Variants in VPS39 observed in about 807,000 individuals in gnomAD.
The protein encoded by VPS39 is vam6/Vps39-like protein.
In VPS39, 70 loss-of-function variants were observed where a neutral mutation model predicts 121.0. That is an observed-to-expected ratio of 0.58 (90% CI 0.48 to 0.71). The LOEUF (loss-of-function observed/expected upper bound fraction) is 0.71, where lower values mean the gene tolerates loss of function less well. Among genes scored for constraint, VPS39 ranks in the 30% least tolerant of loss-of-function variants. The probability of loss-of-function intolerance (pLI) is 0.00; values close to 1 mark genes in which losing one functional copy is unlikely to be tolerated. For missense variants in VPS39, 818 were observed against 1,051.5 expected, an observed-to-expected ratio of 0.78 and a Z score of 3.07; for synonymous variants, 378 against 398.1, an observed-to-expected ratio of 0.95 and a Z score of 0.60.
chr15:42,187,290 CTCTT>C lies in VPS39; in HGVS notation c.511_514del (p.Lys171GlufsTer5). On this transcript the variant is annotated frameshift_variant, in exon 7 of 25. Coordinates refer to ENST00000318006, the MANE Select transcript of VPS39 (RefSeq NM_015289.5). LOFTEE classifies it high-confidence loss of function. ...TTTTACCCTTATTAGGTAGTAGTCT[CTCTT>C]GAAACCCACACAGATAGAATTTTCA... is the stretch of plus-strand genomic sequence containing the variant. 1 of 1,612,458 alleles carries C rather than the reference CTCTT, an allele frequency of 6.2e-7. No individual in the cohort carries two copies. The highest frequency in any genetic ancestry group is 8.5e-7 in the Non-Finnish European group (1 of 1,179,608).
Position 42,199,987 on chromosome 15 carries a change from C to CAA in VPS39, c.74-28_74-27dup, listed in dbSNP as rs762376784. The stretch of plus-strand genomic sequence containing the variant: ...CTGGAAAAACAAAACAAAACAAAAA[C>CAA]AAAAACAAAAAAAAACCAGCTTTGA... On this transcript the variant is annotated intron_variant, in intron 1 of 24. Transcript: ENST00000318006. 2.1e-3 allele frequency: 3,182 copies of CAA among 1,531,066 alleles called. 73 individuals carry two copies. In the African/African-American group the frequency reaches 0.041, roughly 20 times the overall value. The allele number at this position is 1,531,066 out of a possible 1,614,324, so 94.8% of individuals were successfully genotyped here.
rs557790359 is a variant in VPS39, at chr15:42,162,649, T to C, written c.2176-168A>G. 7.1e-6 allele frequency: 5 copies of C among 706,500 alleles called. No homozygotes were observed. The South Asian group carries it at 1.7e-4, about 24-fold the overall frequency. 43.8% of individuals were successfully genotyped at this position (706,500 alleles called of 1,614,324 possible). ...AAATTGGTAAGGTCAAACAGGCAAC[T>C]GAAGATGTTAATTAAGGATTGCTTT... On this transcript the variant is annotated intron_variant, in intron 21 of 24. Transcript: ENST00000318006.
chr15:42,203,291 G>T (rs114123034), intron 1 of VPS39, among the ~76,000 whole-genome samples: 1,636 of 151,992 alleles, frequency 0.011, 30 homozygotes, highest in African/African-American at 0.038. Flanking sequence ...CAACACAGTG[G>T]AAACCCATCT....
At chr15:42,189,958 C>A (rs1393744530) in intron 4 of VPS39, among the ~76,000 whole-genome samples, 1 of 151,834 alleles carries the variant, frequency 6.6e-6, no homozygotes. Context: ...GGACTACAGG[C>A]ATGCACCACC....
Position 42,184,531 on chromosome 15 carries a change from A to G in VPS39, c.704T>C (p.Ile235Thr). 1 of 1,608,292 alleles carries G rather than the reference A, an allele frequency of 6.2e-7. No individual in the cohort carries two copies. Among genetic ancestry groups the G allele is most frequent in the Non-Finnish European group, 8.5e-7 (1 of 1,178,132 alleles). Residue 235 changes from isoleucine (I) to threonine (T), a missense_variant, in exon 8 of 25, where the codon ATA becomes ACA. Coordinates refer to ENST00000318006, the MANE Select transcript of VPS39 (RefSeq NM_015289.5). ...GTTGGTCTCACCCATGGCCACTGGT[A>G]TGTCCGTCCAGTTCAGGGCACATTT... is the stretch of plus-strand genomic sequence containing the variant. ...TQKCALNWTD[I>T]PVAMEHQPPY...
At position 42,187,973 on chromosome 15, in the gene VPS39, C is replaced by G. The variant is rs753400699; in HGVS notation, c.343-117G>C. The G allele has an allele frequency of 1.1e-5, 10 of 917,372 alleles. No individual in the cohort carries two copies. In the East Asian group the frequency reaches 2.5e-4, roughly 23 times the overall value. The allele number at this position is 917,372 out of a possible 1,614,324, so 56.8% of individuals were successfully genotyped here. A position where few individuals can be genotyped will look rare whatever the true frequency, so the allele number is the denominator to read the frequency against. ...ACTACTCTGAAAATTCCCTGTAACA[C>G]AGTCATCCTGCCAGGAAAGCTGAGC... On this transcript the variant is annotated intron_variant, in intron 5 of 24. Transcript: ENST00000318006.
intron 12 of VPS39, among the ~76,000 whole-genome samples, chr15:42,168,351 C>A (rs536564042): frequency 1.6e-3 from 246 of 152,170 alleles, no homozygotes; most frequent in African/African-American, 5.8e-3. Flanking sequence ...TTACTTAGCA[C>A]AGTGTGTGCA....
intron 2 of VPS39, among the ~76,000 whole-genome samples, chr15:42,197,247 G>A (rs1405341551): frequency 3.3e-5 from 5 of 150,212 alleles, no homozygotes; most frequent in Non-Finnish European, 4.4e-5. Flanking sequence ...AATGGGTGCA[G>A]CACACCAACA....
chr15:42,162,630 G>A, intron 21 of VPS39, 149 bp from the exon 22 acceptor site: 1 of 947,980 alleles, frequency 1.1e-6, no homozygotes, highest in East Asian at 2.9e-5. Context: ...TTGTAAATTG[G>A]TAAGGTCAAA....
chr15:42,173,881 T>C (rs754124007), intron 10 of VPS39, 29 bp from the exon 11 acceptor site: 14 of 1,612,326 alleles, frequency 8.7e-6, no homozygotes, highest in Non-Finnish European at 1.0e-5. Flanking sequence ...ATGTAAGAGT[T>C]CACTCACTCA....
chr15:42,173,877 G>T, intron 10 of VPS39, 25 bp from the exon 11 acceptor site: 1 of 1,613,100 alleles, frequency 6.2e-7, no homozygotes, highest in South Asian at 1.1e-5. Flanking sequence ...GAATATGTAA[G>T]AGTTCACTCA....
chr15:42,165,051 T>C lies in VPS39; in HGVS notation c.1842A>G (p.Leu614=), dbSNP rs1301852694. Residue 614 remains leucine (L), a synonymous_variant, in exon 18 of 25, where the codon CTA becomes CTG. Coordinates refer to ENST00000318006, the MANE Select transcript of VPS39 (RefSeq NM_015289.5). ...TCAGACCTTGCACCTTCTCACAGTA[T>C]AGCTGGATCAGGCAGTTGTGGAACC... ...GSRFHNCLIQ[L]YCEKVQGLMK... is the part of the protein sequence containing the mutation. 6.8e-6 allele frequency: 11 copies of C among 1,614,210 alleles called. No homozygotes were observed. Among genetic ancestry groups the C allele is most frequent in the South Asian group, 3.3e-5 (3 of 91,084 alleles).
intron 5 of VPS39, 109 bp downstream of exon 5, chr15:42,189,005 G>A (rs1210366774): frequency 2.5e-6 from 2 of 794,566 alleles, no homozygotes; most frequent in African/African-American, 1.7e-5. Flanking sequence ...TGGAGTCTCT[G>A]TTGGGTATGG....
intron 8 of VPS39, among the ~76,000 whole-genome samples, chr15:42,179,439 T>C (rs1265090898): frequency 6.7e-6 from 1 of 148,680 alleles, no homozygotes; most frequent in East Asian, 2.0e-4. Context: ...TAGCCGGGCG[T>C]GGTGGCAGGC....
At chr15:42,203,311 A>C (rs1244640319) in intron 1 of VPS39, among the ~76,000 whole-genome samples, 2 of 152,126 alleles carry the variant, frequency 1.3e-5, no homozygotes, top group African/African-American at 4.8e-5. Flanking sequence ...TCTACTAAAA[A>C]TACAAAAAAA....
chr15:42,165,118 G>A lies in VPS39; in HGVS notation c.1780-5C>T. 2 of 1,613,916 alleles carry A rather than the reference G, an allele frequency of 1.2e-6. No homozygotes were observed. Among genetic ancestry groups the A allele is most frequent in the Non-Finnish European group, 1.7e-6 (2 of 1,179,800 alleles). ...CCAAACATGGATGATGTGTTCCTGA[G>A]GCAAGATGTAGGTCTTTGTCACTGG... On this transcript the variant is annotated splice_region_variant and splice_polypyrimidine_tract_variant and intron_variant, in intron 17 of 24. Coordinates refer to ENST00000318006, the MANE Select transcript of VPS39 (RefSeq NM_015289.5).
At chr15:42,204,688 T>A (rs582629) in intron 1 of VPS39, among the ~76,000 whole-genome samples, 12,239 of 151,796 alleles carry the variant, frequency 0.081, 955 homozygotes, top group Admixed American at 0.17. Flanking sequence ...AAAATAAAAT[T>A]AAATTAAATT....
At chr15:42,208,014 GGCCTCAGAAAA>G in intron 1 of VPS39, 56 bp downstream of exon 1, 1 of 1,520,646 alleles carries the variant, frequency 6.6e-7, no homozygotes, top group South Asian at 1.2e-5. Context: ...CCACTTCCCC[GGCCTCAGAAAA>G]GATCCGGACC....
Position 42,204,425 on chromosome 15 carries a change from G to A in VPS39, c.73+3656C>T, listed in dbSNP as rs140534995. 4.6e-5 allele frequency among the ~76,000 whole-genome samples: 7 copies of A among 152,264 alleles called. No homozygotes were observed. The East Asian group carries it at 1.2e-3, about 25-fold the overall frequency. ...AGCACTTTGGGAGGCCGAGGTGGGC[G>A]GATCACCTCAGGTCAGGCGTTTGAG... On this transcript the variant is annotated intron_variant, in intron 1 of 24. Coordinates refer to ENST00000318006, the MANE Select transcript of VPS39 (RefSeq NM_015289.5).
Sources: allele counts gnomAD v4.1 joint callset (sites outside exome capture counted in the v4.1 genomes callset), GRCh38; gene constraint gnomAD v4.1.1; transcripts MANE v1.5; gene names NCBI Gene and HGNC (gene_info 2026-07-23, HGNC 2026-07-21).